MCPH1: variants seen among roughly 807,000 people sequenced by gnomAD.
The protein encoded by MCPH1 is microcephalin.
In MCPH1, 104 loss-of-function variants were observed where a neutral mutation model predicts 84.5. The observed-to-expected ratio is 1.23, with a 90% CI of 1.05 to 1.45. MCPH1 has a LOEUF of 1.45. Among genes scored for constraint, MCPH1 ranks in the 40% most tolerant of loss-of-function variants. MCPH1 has a pLI of 0.00. For missense variants in MCPH1, 1,498 were observed against 1,005.7 expected (o/e 1.49, Z -6.62); for synonymous variants, 514 against 366.8 (o/e 1.40, Z -4.58).
chr8:6,635,090 G>C (rs1373998371), intron 13 of MCPH1: 1 of 152,186 alleles, frequency 6.6e-6, no homozygotes, highest in Non-Finnish European at 1.5e-5. Flanking sequence ...AATTCAGCTT[G>C]TCAAGTGAGA....
chr8:6,527,981 C>T (rs991700839), intron 12 of MCPH1, among the ~76,000 whole-genome samples: 10 of 150,782 alleles, frequency 6.6e-5, no homozygotes, highest in Non-Finnish European at 1.3e-4. Flanking sequence ...CTGCAACCTC[C>T]GCCTCCCGGG....
chr8:6,534,007 C>T (rs1460653956), intron 12 of MCPH1, among the ~76,000 whole-genome samples: 4 of 152,060 alleles, frequency 2.6e-5, no homozygotes, highest in South Asian at 2.1e-4. Flanking sequence ...GATGCCCCCT[C>T]GCCATCGACT....
intron 12 of MCPH1, chr8:6,616,011 A>G (rs936426056): frequency 3.3e-5 from 5 of 152,206 alleles, no homozygotes; most frequent in African/African-American, 1.2e-4. Flanking sequence ...GACTATACTA[A>G]GAACCACTGA....
intron 12 of MCPH1, among the ~76,000 whole-genome samples, chr8:6,577,120 C>G (rs1827190390): frequency 6.6e-6 from 1 of 152,172 alleles, no homozygotes; most frequent in African/African-American, 2.4e-5. Context: ...GCACAGGAGG[C>G]CAGGGTGCTG....
intron 12 of MCPH1, among the ~76,000 whole-genome samples, chr8:6,554,582 G>T (rs998120655): frequency 6.6e-6 from 1 of 152,090 alleles, no homozygotes; most frequent in Non-Finnish European, 1.5e-5. Context: ...TAATTTGGTT[G>T]TTGGTTTTTA....
rs763114411 is a variant in MCPH1 at position 6,445,477 on chromosome 8, T to A, written c.1755T>A (p.Cys585Ter). 1.9e-6 allele frequency: 3 copies of A among 1,614,126 alleles called. No individual in the cohort carries two copies. The highest frequency in any genetic ancestry group is 2.5e-6 in the Non-Finnish European group (3 of 1,180,048). The change falls in exon 8 of 14, where the codon TGT becomes TGA. Residue 585 changes from cysteine (C) to a stop codon, truncating the protein, a stop_gained. Transcript: ENST00000344683. LOFTEE classifies it high-confidence loss of function. ...AAGCCCAGAGTGAACATGAGCCATG[T>A]TTTATAGTTGACTGTAACATGGAGA... ...EGEAQSEHEP[C>*]FIVDCNMETS... is the part of the protein sequence containing the mutation.
At chr8:6,504,257 G>T (rs912541148) in intron 12 of MCPH1, among the ~76,000 whole-genome samples, 3 of 144,326 alleles carry the variant, frequency 2.1e-5, no homozygotes, top group African/African-American at 7.8e-5. Context: ...GGCGGAGCTT[G>T]CAGTGAGCCG....
chr8:6,538,084 A>G (rs540792540), intron 12 of MCPH1, among the ~76,000 whole-genome samples: 1 of 152,124 alleles, frequency 6.6e-6, no homozygotes, highest in Non-Finnish European at 1.5e-5. Flanking sequence ...GGATTTTGCA[A>G]CCATCTCTCA....
intron 12 of MCPH1, among the ~76,000 whole-genome samples, chr8:6,546,774 C>A (rs974870997): frequency 2.0e-5 from 3 of 152,210 alleles, no homozygotes; most frequent in African/African-American, 7.2e-5. Flanking sequence ...TACCCTCTTC[C>A]TCCCCTTCCC....
At chr8:6,467,123 T>C (rs950809672) in intron 9 of MCPH1, among the ~76,000 whole-genome samples, 15 of 152,200 alleles carry the variant, frequency 9.9e-5, no homozygotes. Context: ...AATTATGAGG[T>C]ATTTAAAATA....
At chr8:6,485,282 G>A (rs1463086233) in intron 11 of MCPH1, among the ~76,000 whole-genome samples, 2 of 151,752 alleles carry the variant, frequency 1.3e-5, no homozygotes, top group East Asian at 1.9e-4. Context: ...CCGAGATCAC[G>A]CCACTGCACT....
In MCPH1 at chr8:6,611,999, C is replaced by T. The variant is rs558666153; in HGVS notation, c.2215-9455C>T. ...GCCATTGAGTGAACCCCAGACCTTG[C>T]GGGGGTGGGGCTGAAAGTTTCAACC... On this transcript the variant is annotated intron_variant, in intron 12 of 13. Transcript: ENST00000344683. Among the ~76,000 whole-genome samples, 6 of 152,240 alleles carry T rather than the reference C, an allele frequency of 3.9e-5. 1 individual carries two copies. The South Asian group carries it at 8.3e-4, about 21-fold the overall frequency.
intron 4 of MCPH1, 152 bp downstream of exon 4, chr8:6,431,738 G>A (rs924899569): frequency 1.8e-5 from 11 of 603,404 alleles, no homozygotes; most frequent in African/African-American, 1.5e-4. Flanking sequence ...GCATTTTTAA[G>A]TGAATTACAG....
At chr8:6,610,496 C>A (rs1306196653) in intron 12 of MCPH1, among the ~76,000 whole-genome samples, 1 of 152,194 alleles carries the variant, frequency 6.6e-6, no homozygotes, top group Non-Finnish European at 1.5e-5. Context: ...TAGTTCGACT[C>A]TTAGCAAAAG....
At chr8:6,453,498 C>T (rs7002708) in intron 8 of MCPH1, among the ~76,000 whole-genome samples, 1,517 of 151,084 alleles carry the variant, frequency 0.01, 25 homozygotes, top group African/African-American at 0.035. Flanking sequence ...TTTCGTTGTT[C>T]GGCAAGAACT....
chr8:6,495,849 C>A (rs942010037), intron 11 of MCPH1, among the ~76,000 whole-genome samples: 1 of 152,172 alleles, frequency 6.6e-6, no homozygotes, highest in Admixed American at 6.5e-5. Flanking sequence ...TGTTTGAAAT[C>A]AACTACATTC....
At chr8:6,515,808 G>A (rs940907227) in intron 12 of MCPH1, among the ~76,000 whole-genome samples, 3 of 152,198 alleles carry the variant, frequency 2.0e-5, no homozygotes, top group African/African-American at 4.8e-5. Context: ...TAATGGAGGC[G>A]ATTTGGCAGG....
intron 12 of MCPH1, chr8:6,509,065 G>T (rs751246901): frequency 1.4e-5 from 23 of 1,612,444 alleles, no homozygotes; most frequent in Non-Finnish European, 2.0e-5. Flanking sequence ...GGTGAATCCT[G>T]TAAGCGTGCA....
Position 6,639,659 on chromosome 8 carries a change from T to A in MCPH1, c.2453-3335T>A, listed in dbSNP as rs569627699. Among the ~76,000 whole-genome samples, 19 of 149,882 alleles carry A rather than the reference T, an allele frequency of 1.3e-4. No individual in the cohort carries two copies. The East Asian group carries it at 1.4e-3, about 11-fold the overall frequency. ...GTCTGGGCAATGGATCAAGATCCTG[T>A]CTCTTTAAAAAAAAAAAAAAACATA... On this transcript the variant is annotated intron_variant, in intron 13 of 13. Transcript: ENST00000344683.
Sources: gnomAD v4.1 joint callset for allele counts (sites outside exome capture counted in the v4.1 genomes callset) on GRCh38, gnomAD v4.1.1 for gene constraint, MANE v1.5 for transcripts, NCBI Gene and HGNC (gene_info 2026-07-23, HGNC 2026-07-21) for gene names.